LIM2: variants seen among roughly 807,000 people sequenced by gnomAD.
LIM2 encodes the protein lens intrinsic membrane protein 2.
A neutral mutation model predicts 19.0 loss-of-function variants in LIM2; 14 were observed. The ratio of observed to expected loss-of-function variants is 0.74; its 90% CI spans 0.49 to 1.15. LIM2 has a LOEUF of 1.15. LIM2 is among the 50% of genes most tolerant of loss of function. The probability of loss-of-function intolerance (pLI) is 0.00; values close to 1 mark genes in which losing one functional copy is unlikely to be tolerated. For synonymous variants in LIM2, 78 were observed against 89.6 expected, an observed-to-expected ratio of 0.87 and a Z score of 0.73; for missense variants, 230 against 243.5, an observed-to-expected ratio of 0.94 and a Z score of 0.37.
Position 51,387,128 on chromosome 19 carries a change from T to G in LIM2, c.175+141A>C, listed in dbSNP as rs765016880. 6 of 1,513,526 alleles carry G rather than the reference T, an allele frequency of 4.0e-6. No individual in the cohort carries two copies. In the African/African-American group the frequency reaches 8.2e-5, roughly 21 times the overall value. The allele number at this position is 1,513,526 out of a possible 1,614,324, so 93.8% of individuals were successfully genotyped here. On this transcript the variant is annotated intron_variant, in intron 2 of 4. Coordinates refer to ENST00000596399, the MANE Select transcript of LIM2 (RefSeq NM_001161748.2). ...ACCCTGTAGTCCCAGTTCTGCCCCC[T>G]CCATGCTGAGTGACCTTGGGTTGCT...
intron 2 of LIM2, among the ~76,000 whole-genome samples, chr19:51,384,301 G>C (rs1172158103): frequency 6.6e-6 from 1 of 152,008 alleles, no homozygotes; most frequent in Non-Finnish European, 1.5e-5. Flanking sequence ...CTTGGTGGTG[G>C]GCACCTGTAA....
At chr19:51,386,857 CTCTA>C (rs1279158105) in intron 2 of LIM2, among the ~76,000 whole-genome samples, 3 of 146,022 alleles carry the variant, frequency 2.1e-5, no homozygotes, top group Non-Finnish European at 2.9e-5. Flanking sequence ...CTATGTATCT[CTCTA>C]TCTATGGCCT....
chr19:51,382,639 G>T, intron 2 of LIM2, 72 bp from the exon 3 acceptor site: 1 of 1,596,960 alleles, frequency 6.3e-7, no homozygotes, highest in East Asian at 2.2e-5. Context: ...CCTCTGAGAT[G>T]AAAATGCCTT....
intron 4 of LIM2, 104 bp from the exon 5 acceptor site, chr19:51,380,366 G>C: frequency 1.9e-6 from 3 of 1,569,080 alleles, no homozygotes; most frequent in South Asian, 1.1e-5. Context: ...GGGTATCCCC[G>C]ACCCCAGACT....
At chr19:51,380,358 G>A (rs1986862045) in intron 4 of LIM2, 96 bp from the exon 5 acceptor site, 3 of 1,575,178 alleles carry the variant, frequency 1.9e-6, no homozygotes. Flanking sequence ...TTCTCCCTGG[G>A]TATCCCCGAC....
intron 2 of LIM2, 99 bp from the exon 3 acceptor site, chr19:51,382,666 C>T (rs896597884): frequency 1.3e-6 from 2 of 1,498,124 alleles, no homozygotes; most frequent in Non-Finnish European, 1.8e-6. Flanking sequence ...TTCCATATCC[C>T]TAACCCAGCT....
rs1326417804 is a variant in LIM2 at position 51,387,347 on chromosome 19, G to A, written c.97C>T (p.Leu33=). The A allele has an allele frequency of 1.2e-6, 2 of 1,614,058 alleles. No homozygotes were observed. Among genetic ancestry groups the A allele is most frequent in the African/African-American group, 2.7e-5 (2 of 74,928 alleles). The change falls in exon 2 of 5, where the codon CTG becomes TTG. Residue 33 remains leucine (L), a synonymous_variant. Coordinates refer to ENST00000596399, the MANE Select transcript of LIM2 (RefSeq NM_001161748.2). ...CCCTGGTGGGCGAAGGACCCTGACA[G>A]CCGGTACTGCATCCAGTGGTCTGTT... ...MATDHWMQYR[L]SGSFAHQGLW...
intron 2 of LIM2, among the ~76,000 whole-genome samples, chr19:51,386,126 A>T (rs1417301756): frequency 6.6e-6 from 1 of 151,004 alleles, no homozygotes; most frequent in African/African-American, 2.4e-5. Flanking sequence ...TTATTAATTA[A>T]TTTTTATTTA....
intron 1 of LIM2, 64 bp downstream of exon 1, chr19:51,387,855 C>T (rs955380458): frequency 2.1e-5 from 5 of 242,008 alleles, no homozygotes; most frequent in Non-Finnish European, 4.1e-5. Context: ...GAAGAAGGAG[C>T]TGGGACCCTA....
chr19:51,386,721 T>C (rs1313258970), intron 2 of LIM2, among the ~76,000 whole-genome samples: 1 of 146,952 alleles, frequency 6.8e-6, no homozygotes, highest in African/African-American at 2.6e-5. Flanking sequence ...ATTGTCTATA[T>C]GTAGTTATAT....
chr19:51,387,821 G>A, intron 1 of LIM2, 98 bp downstream of exon 1: 1 of 289,282 alleles, frequency 3.5e-6, no homozygotes, highest in Non-Finnish European at 6.6e-6. Context: ...TAGGGGCTAG[G>A]GGGTAGGACA....
In LIM2 at chr19:51,380,633, A is replaced by G. The variant is rs1257712224; in HGVS notation, c.332T>C (p.Phe111Ser). ...AGIMFFSSTL[F>S]VVLALAIYTG... ...GTAGATGGCCAAGGCCAACACGACG[A>G]AAAGGGCTGGGGAGAGAGGGCGGGA... is the stretch of plus-strand genomic sequence containing the variant. Residue 111 changes from phenylalanine (F) to serine (S), a missense_variant, in exon 4 of 5, where the codon TTC becomes TCC. By Grantham distance (155) the Phe-to-Ser change is radical. Coordinates refer to ENST00000596399, the MANE Select transcript of LIM2 (RefSeq NM_001161748.2). 1.2e-6 allele frequency: 2 copies of G among 1,613,192 alleles called. No individual in the cohort carries two copies. Among genetic ancestry groups the G allele is most frequent in the East Asian group, 2.2e-5 (1 of 44,806 alleles).
At chr19:51,386,212 C>T (rs1987036147) in intron 2 of LIM2, among the ~76,000 whole-genome samples, 1 of 151,218 alleles carries the variant, frequency 6.6e-6, no homozygotes, top group African/African-American at 2.4e-5. Flanking sequence ...CAGTCTCCGC[C>T]TCCCAGGTTC....
rs762534934 is a variant in LIM2 at position 51,387,148 on chromosome 19, G to C, written c.175+121C>G. The stretch of plus-strand genomic sequence containing the variant: ...CCCCCTCCATGCTGAGTGACCTTGG[G>C]TTGCTCCCTTTCCCTCTTTGAGCCG... On this transcript the variant is annotated intron_variant, in intron 2 of 4. Transcript: ENST00000596399. 4.4e-6 allele frequency: 7 copies of C among 1,592,956 alleles called. No individual in the cohort carries two copies. The East Asian group carries it at 1.6e-4, about 36-fold the overall frequency.
intron 2 of LIM2, among the ~76,000 whole-genome samples, chr19:51,384,344 T>A (rs911573219): frequency 1.3e-5 from 2 of 152,156 alleles, no homozygotes; most frequent in African/African-American, 4.8e-5. Context: ...GGCAGGAGAA[T>A]CACTTGAACC....
intron 2 of LIM2, among the ~76,000 whole-genome samples, chr19:51,383,185 C>A (rs376072896): frequency 6.6e-6 from 1 of 151,886 alleles, no homozygotes; most frequent in Non-Finnish European, 1.5e-5. Context: ...CAGGTGCGCA[C>A]CACCATGCCC....
rs199913969 is a variant in LIM2 at position 51,387,241 on chromosome 19, C to T, written c.175+28G>A. 160 of 1,614,106 alleles carry T rather than the reference C, an allele frequency of 9.9e-5. 3 individuals are homozygous for T. The South Asian group carries it at 1.5e-3, about 16-fold the overall frequency. On this transcript the variant is annotated intron_variant, in intron 2 of 4. Coordinates refer to ENST00000596399, the MANE Select transcript of LIM2 (RefSeq NM_001161748.2). ...GTCCGCCCTGCTCTTTCCCCAGGCGCGGCCTGGACCCTGGCCGGGGGGCTC... is the reference window on the plus strand; with the variant it reads ...GTCCGCCCTGCTCTTTCCCCAGGCGTGGCCTGGACCCTGGCCGGGGGGCTC...
At chr19:51,385,611 A>G (rs895070830) in intron 2 of LIM2, among the ~76,000 whole-genome samples, 6 of 152,194 alleles carry the variant, frequency 3.9e-5, no homozygotes, top group Non-Finnish European at 4.4e-5. Flanking sequence ...TGGCAGAGAT[A>G]AGACAGAGAG....
Position 51,387,081 on chromosome 19 carries a change from G to A in LIM2, c.175+188C>T, listed in dbSNP as rs968410013. 3.6e-5 allele frequency: 39 copies of A among 1,074,268 alleles called. 1 individual carries two copies. The South Asian group carries it at 4.7e-4, about 13-fold the overall frequency. The allele number at this position is 1,074,268 out of a possible 1,614,324, so 66.5% of individuals were successfully genotyped here. A position where few individuals can be genotyped will look rare whatever the true frequency, so the allele number is the denominator to read the frequency against. ...AACTTAACCTTCAAACCAGCACCCC[G>A]TGAAACTGCAGCTAGAAAACAACCC... is the stretch of plus-strand genomic sequence containing the variant. On this transcript the variant is annotated intron_variant, in intron 2 of 4. Transcript: ENST00000596399.
Sources: allele counts gnomAD v4.1 joint callset (sites outside exome capture counted in the v4.1 genomes callset), GRCh38; gene constraint gnomAD v4.1.1; transcripts MANE v1.5; gene names NCBI Gene and HGNC (gene_info 2026-07-23, HGNC 2026-07-21).